The following NOSTRIN variants were observed in gnomAD, a reference collection of about 807,000 sequenced individuals.
The protein encoded by NOSTRIN is BM247 homolog.
Under a neutral mutation model 59.0 loss-of-function variants are expected in NOSTRIN, and 63 were observed. That is an observed-to-expected ratio of 1.07 (90% CI 0.87 to 1.32). NOSTRIN has a LOEUF of 1.32. Among genes scored for constraint, NOSTRIN ranks in the 40% most tolerant of loss-of-function variants. The pLI is 0.00. For missense variants in NOSTRIN, 512 were observed against 473.1 expected, an observed-to-expected ratio of 1.08 and a Z score of -0.76; for synonymous variants, 200 against 165.4, an observed-to-expected ratio of 1.21 and a Z score of -1.61.
chr2:168,799,562 C>T (rs541107639), upstream of NOSTRIN, among the ~76,000 whole-genome samples: 1 of 152,326 alleles, frequency 6.6e-6, no homozygotes, highest in South Asian at 2.1e-4. Flanking sequence ...GCTGCCTCCT[C>T]ACAACCCATA....
intron 8 of NOSTRIN, among the ~76,000 whole-genome samples, chr2:168,850,471 T>C (rs186521101): frequency 6.6e-6 from 1 of 152,316 alleles, no homozygotes; most frequent in Admixed American, 6.5e-5. Flanking sequence ...GTCATTCTCT[T>C]CCCTGCAGAC....
chr2:168,812,593 G>A (rs972581130), intron 2 of NOSTRIN, among the ~76,000 whole-genome samples: 6 of 152,182 alleles, frequency 3.9e-5, no homozygotes, highest in Non-Finnish European at 5.9e-5. Flanking sequence ...TGGCTTAGGG[G>A]TCATGCTTAA....
upstream of NOSTRIN, among the ~76,000 whole-genome samples, chr2:168,797,536 T>TG (rs1685517030): frequency 1.3e-5 from 2 of 152,202 alleles, no homozygotes; most frequent in Admixed American, 1.3e-4. Flanking sequence ...AAAAGTCAGC[T>TG]GGGCCAACAT....
chr2:168,804,746 T>C (rs1685759514), intron 1 of NOSTRIN, among the ~76,000 whole-genome samples: 1 of 152,150 alleles, frequency 6.6e-6, no homozygotes, highest in South Asian at 2.1e-4. Flanking sequence ...ACTCAGTGGG[T>C]TGCATGAACT....
chr2:168,865,131 A>ACAGT lies in NOSTRIN; in HGVS notation c.*165_*168dup, dbSNP rs1221066802. On this transcript the variant is annotated 3_prime_UTR_variant, in exon 16 of 16. Transcript: ENST00000317647. ...TTGCATTCATGATTATTAGCTTGAAACAGTCAGAAAAAAGATGGATGGGTG... is the reference window on the plus strand; with the variant it reads ...TTGCATTCATGATTATTAGCTTGAAACAGTCAGTCAGAAAAAAGATGGATGGGTG... 5.3e-5 allele frequency: 40 copies of ACAGT among 759,136 alleles called. No individual in the cohort carries two copies. Among genetic ancestry groups the ACAGT allele is most frequent in the African/African-American group, 7.1e-5 (4 of 56,540 alleles). 47.0% of individuals were successfully genotyped at this position (759,136 alleles called of 1,614,324 possible). A position where few individuals can be genotyped will look rare whatever the true frequency, so the allele number is the denominator to read the frequency against.
At chr2:168,797,464 T>C (rs1343554596), upstream of NOSTRIN, among the ~76,000 whole-genome samples, 19 of 152,014 alleles carry the variant, frequency 1.2e-4, no homozygotes, top group Admixed American at 1.2e-3. Flanking sequence ...ATAGCAGTAG[T>C]ACAAAGGCAA....
intron 2 of NOSTRIN, among the ~76,000 whole-genome samples, chr2:168,788,270 G>C (rs995941573): frequency 6.7e-6 from 1 of 150,332 alleles, no homozygotes; most frequent in African/African-American, 2.4e-5. Context: ...TGATGATATT[G>C]ATGACTTTTT....
upstream of NOSTRIN, among the ~76,000 whole-genome samples, chr2:168,794,184 A>G (rs1685424721): frequency 6.6e-6 from 1 of 152,182 alleles, no homozygotes; most frequent in Admixed American, 6.5e-5. Flanking sequence ...GACATCCCGG[A>G]ATGAATGAGT....
intron 2 of NOSTRIN, among the ~76,000 whole-genome samples, chr2:168,791,780 GTCT>G (rs1685360135): frequency 6.6e-6 from 1 of 152,186 alleles, no homozygotes; most frequent in African/African-American, 2.4e-5. Flanking sequence ...CTGCATAAAT[GTCT>G]TCTTTTGACA....
intron 7 of NOSTRIN, among the ~76,000 whole-genome samples, chr2:168,834,541 A>ACACACACACACACACACC (rs58702721): frequency 2.4e-3 from 343 of 140,236 alleles, no homozygotes; most frequent in African/African-American, 3.6e-3. Flanking sequence ...ACACACACAC[A>ACACACACACACACACACC]CCACATACAT....
chr2:168,794,539 G>A (rs1685433683), upstream of NOSTRIN, among the ~76,000 whole-genome samples: 1 of 151,848 alleles, frequency 6.6e-6, no homozygotes, highest in South Asian at 2.1e-4. Flanking sequence ...TTTTACTAGA[G>A]ACGGGGTTTC....
chr2:168,849,918 A>ATTTTGG (rs56323647), intron 8 of NOSTRIN, among the ~76,000 whole-genome samples: 2 of 91,396 alleles, frequency 2.2e-5, no homozygotes, highest in African/African-American at 4.5e-5. Flanking sequence ...ACATTTTCTC[A>ATTTTGG]TTTTTTTTTT....
chr2:168,859,967 C>A (rs1432909849), intron 13 of NOSTRIN, among the ~76,000 whole-genome samples: 3 of 152,018 alleles, frequency 2.0e-5, no homozygotes, highest in Non-Finnish European at 4.4e-5. Context: ...TCGTTCAGAC[C>A]TAAATTATAA....
chr2:168,801,071 C>T (rs929741976), upstream of NOSTRIN: 3 of 151,734 alleles, frequency 2.0e-5, no homozygotes, highest in Non-Finnish European at 4.4e-5. Flanking sequence ...TACAGAGTTG[C>T]TTTGTCTAAT....
At chr2:168,787,633 C>T (rs112581213) in intron 1 of NOSTRIN, among the ~76,000 whole-genome samples, 6 of 152,152 alleles carry the variant, frequency 3.9e-5, no homozygotes, top group African/African-American at 1.4e-4. Flanking sequence ...CCACAGTGTC[C>T]ACTACACAGC....
intron 8 of NOSTRIN, among the ~76,000 whole-genome samples, chr2:168,847,160 G>A (rs920959519): frequency 1.3e-5 from 2 of 152,180 alleles, no homozygotes; most frequent in South Asian, 2.1e-4. Flanking sequence ...CTGTTCACAT[G>A]TACGGTTAAG....
intron 1 of NOSTRIN, 38 bp from the exon 2 acceptor site, chr2:168,811,529 C>T (rs960021821): frequency 5.5e-6 from 4 of 728,664 alleles, no homozygotes; most frequent in Non-Finnish European, 7.2e-6. Context: ...CGTAATCTTC[C>T]TGTTCATTGT....
At chr2:168,830,877 AGG>A (rs1687322661) in intron 5 of NOSTRIN, among the ~76,000 whole-genome samples, 1 of 152,216 alleles carries the variant, frequency 6.6e-6, no homozygotes, top group Non-Finnish European at 1.5e-5. Context: ...AGCTCATGCA[AGG>A]GCCTGTTACA....
At chr2:168,790,184 T>C (rs1685311295) in intron 2 of NOSTRIN, among the ~76,000 whole-genome samples, 1 of 152,224 alleles carries the variant, frequency 6.6e-6, no homozygotes, top group South Asian at 2.1e-4. Context: ...TTGTCTTTTG[T>C]AGCAATAATA....
Sources: gnomAD v4.1 joint callset for allele counts (sites outside exome capture counted in the v4.1 genomes callset) on GRCh38, gnomAD v4.1.1 for gene constraint, MANE v1.5 for transcripts, NCBI Gene and HGNC (gene_info 2026-07-23, HGNC 2026-07-21) for gene names.